TTN: variants seen among roughly 807,000 people sequenced by gnomAD.
TTN encodes the protein titin, also known as connectin.
In TTN, 1,525 loss-of-function variants were observed where a neutral mutation model predicts 3,223.0. The observed-to-expected ratio is 0.47, with a 90% CI of 0.45 to 0.49. TTN has a LOEUF of 0.49. TTN is among the 20% of genes least tolerant of loss of function. The pLI is 0.00. For missense variants in TTN, 40,786 were observed against 43,424.0 expected (o/e 0.94, Z 5.40); for synonymous variants, 14,094 against 15,161.0 (o/e 0.93, Z 5.17).
At chr2:178,801,129 C>A (rs2094040216) in intron 3 of TTN, among the ~76,000 whole-genome samples, 1 of 152,318 alleles carries the variant, frequency 6.6e-6, no homozygotes, top group African/African-American at 2.4e-5. Flanking sequence ...AGAATCATTA[C>A]ATTTTTAATT....
At chr2:178,678,579 G>C in intron 143 of TTN, 82 bp from the exon 144 acceptor site, 3 of 1,242,012 alleles carry the variant, frequency 2.4e-6, no homozygotes, top group Non-Finnish European at 3.3e-6. Context: ...ATTAAGATAA[G>C]GTAATAAAAG....
intron 49 of TTN, chr2:178,737,877 T>A (rs2081800233): frequency 1.9e-6 from 1 of 516,408 alleles, no homozygotes; most frequent in Non-Finnish European, 3.2e-6. Context: ...TAAATTATTT[T>A]TTCTTTGGTC....
At position 178,639,673 on chromosome 2, in the gene TTN, C is replaced by T. The variant is rs1233206760; in HGVS notation, c.40876+26G>A. The T allele has an allele frequency of 1.9e-6, 3 of 1,607,994 alleles. No homozygotes were observed. The South Asian group carries it at 3.3e-5, about 18-fold the overall frequency. ...TTATTAAGTCACCAAAACAAACTAG[C>T]AAAAAGAAAGCTACAGGATAAATAC... On this transcript the variant is annotated intron_variant, in intron 223 of 362. Coordinates refer to ENST00000589042, the MANE Select transcript of TTN (RefSeq NM_001267550.2).
At chr2:178,540,434 C>T (rs1693850028) in intron 350 of TTN, 64 bp from the exon 351 acceptor site, 1 of 1,337,236 alleles carries the variant, frequency 7.5e-7, no homozygotes, top group Non-Finnish European at 1.0e-6. Context: ...AGCTGTGCCA[C>T]CTAACAAATT....
rs756430663 is a variant in TTN, at chr2:178,722,422, A to T, written c.22365T>A (p.Asp7455Glu). 2 of 1,613,464 alleles carry T rather than the reference A, an allele frequency of 1.2e-6. No individual in the cohort carries two copies. The highest frequency in any genetic ancestry group is 1.7e-4 in the Middle Eastern group (1 of 6,058). Residue 7455 changes from aspartate (D) to glutamate (E), a missense_variant, in exon 77 of 363, where the codon GAT (aspartate) becomes GAA (glutamate). Asp to Glu is a conservative substitution (Grantham distance 45). Transcript: ENST00000589042. Reference sequence around the variant, plus strand: ...TTTCATCGTCTCTTAAAAGTACTCCATCTCTATACCAGCACACTTGGATGG... The same window carrying T: ...TTTCATCGTCTCTTAAAAGTACTCCTTCTCTATACCAGCACACTTGGATGG... ...SAPIQVCWYR[D>E]GVLLRDDENL...
Position 178,615,525 on chromosome 2 carries a change from C to T in TTN, c.48461-41G>A, listed in dbSNP as rs760357029. ...GAGAGAGTCAGTCTTACACAGGCCA[C>T]CTATGCAGTTCTCTTCACATTGCCA... On this transcript the variant is annotated intron_variant, in intron 258 of 362. Coordinates refer to ENST00000589042, the MANE Select transcript of TTN (RefSeq NM_001267550.2). 3.7e-6 allele frequency: 6 copies of T among 1,609,056 alleles called. No homozygotes were observed. In the African/African-American group the frequency reaches 8.1e-5, roughly 22 times the overall value.
At position 178,718,613 on chromosome 2, in the gene TTN, A is replaced by T; in HGVS notation, c.24506-13T>A. 6.2e-7 allele frequency: 1 copy of T among 1,606,564 alleles called. No homozygotes were observed. The highest frequency in any genetic ancestry group is 8.5e-7 in the Non-Finnish European group (1 of 1,175,848). On this transcript the variant is annotated splice_polypyrimidine_tract_variant and intron_variant, in intron 84 of 362. Coordinates refer to ENST00000589042, the MANE Select transcript of TTN (RefSeq NM_001267550.2). ...AAGGTGGCTGGTTCTATAAGGAGAAAACATGTGGGTAAAATTCTTGCCTTC... is the reference window on the plus strand; with the variant it reads ...AAGGTGGCTGGTTCTATAAGGAGAATACATGTGGGTAAAATTCTTGCCTTC...
Position 178,608,718 on chromosome 2 carries a change from T to G in TTN, c.52293A>C (p.Ser17431=). The G allele has an allele frequency of 1.2e-6, 2 of 1,612,558 alleles. No homozygotes were observed. Among genetic ancestry groups the G allele is most frequent in the Non-Finnish European group, 1.7e-6 (2 of 1,179,186 alleles). The part of the protein sequence containing the change: ...VTSTLRHCKY[S]VTKLIEGKEY... ...CTTTTCCTTCAATCAGTTTTGTTAC[T>G]GAATATTTGCAATGTCTAAGTGTTG... The change falls in exon 274 of 363, where the codon TCA becomes TCC. Residue 17431 remains serine (S), a synonymous_variant. Transcript: ENST00000589042.
At position 178,566,803 on chromosome 2, in the gene TTN, A is replaced by G. The variant is rs372127556; in HGVS notation, c.79329T>C (p.Asp26443=). 2 of 1,613,392 alleles carry G rather than the reference A, an allele frequency of 1.2e-6. No homozygotes were observed. Among genetic ancestry groups the G allele is most frequent in the Non-Finnish European group, 1.7e-6 (2 of 1,179,690 alleles). ...WIKCNKRRIT[D]LRLRVTGLTE... is the part of the protein sequence containing the mutation. ...TTAATCCTGTCACTCTTAGACGCAA[A>G]TCTGTAATGCGGCGTTTATTACATT... is the stretch of plus-strand genomic sequence containing the variant. The change falls in exon 326 of 363, where the codon GAT becomes GAC. Residue 26443 remains aspartate (D), a synonymous_variant. Coordinates refer to ENST00000589042, the MANE Select transcript of TTN (RefSeq NM_001267550.2).
rs1226276951 is a variant in TTN at position 178,740,084 on chromosome 2, C to A, written c.13149G>T (p.Leu4383Phe). The A allele has an allele frequency of 6.2e-7, 1 of 1,613,678 alleles. No homozygotes were observed. The highest frequency in any genetic ancestry group is 2.2e-5 in the East Asian group (1 of 44,854). The change falls in exon 48 of 363, where the codon TTG (leucine) becomes TTT (phenylalanine). Residue 4383 changes from leucine (L) to phenylalanine (F), a missense_variant. Physicochemically the swap from Leu to Phe is conservative, Grantham distance 22. Transcript: ENST00000589042. ...TCTGCTCTTCTGGAATACCAGAAAG[C>A]AAGCTTTCCTTAGAAAGAAGGTCCC... The part of the protein sequence containing the change: ...QGRDLLSKES[L>F]LSGIPEEQRL...
rs72648998 is a variant in TTN, at chr2:178,710,784, C to T, written c.28313G>A (p.Arg9438Gln). The T allele has an allele frequency of 0.054, 87,491 of 1,613,878 alleles. 2,698 individuals carry two copies. The highest frequency in any genetic ancestry group is 0.084 in the Admixed American group (5,012 of 60,004). The change falls in exon 98 of 363, where the codon CGA (arginine) becomes CAA (glutamine). Residue 9438 changes from arginine to glutamine, a missense_variant. Coordinates refer to ENST00000589042, the MANE Select transcript of TTN (RefSeq NM_001267550.2). Reference protein sequence around the residue: ...VSWAKDSREIRSGGKYQISYL... With the variant: ...VSWAKDSREIQSGGKYQISYL... The stretch of plus-strand genomic sequence containing the variant: ...ACTAATCTGGTACTTTCCGCCACTT[C>T]GTATTTCTCTGCTGTCTTTGGCCCA...
intron 336 of TTN, 82 bp downstream of exon 336, chr2:178,550,885 A>G: frequency 7.4e-7 from 1 of 1,356,114 alleles, no homozygotes; most frequent in Non-Finnish European, 1.0e-6. Context: ...TTCTGTTACC[A>G]TTTTACAGGC....
chr2:178,747,278 G>A, intron 47 of TTN: 12 of 1,613,246 alleles, frequency 7.4e-6, no homozygotes, highest in Non-Finnish European at 1.0e-5. Flanking sequence ...TTCGGAAGGT[G>A]TTGAATATCT....
chr2:178,631,993 T>C (rs976978670), intron 236 of TTN, among the ~76,000 whole-genome samples, 154 bp downstream of exon 236: 1 of 152,098 alleles, frequency 6.6e-6, no homozygotes, highest in African/African-American at 2.4e-5. Flanking sequence ...GTAAAGTGTT[T>C]TAGAAATAAG....
chr2:178,773,886 T>C lies in TTN; in HGVS notation c.7282A>G (p.Thr2428Ala). 1 of 1,614,044 alleles carries C rather than the reference T, an allele frequency of 6.2e-7. No individual in the cohort carries two copies. The highest frequency in any genetic ancestry group is 8.5e-7 in the Non-Finnish European group (1 of 1,179,962). The change falls in exon 31 of 363, where the codon ACC becomes GCC. Residue 2428 changes from threonine to alanine, a missense_variant. Transcript: ENST00000589042. ...GTGGAGAGGCCAAGGGCTGGAATGGTGAAAGAGTAATTTCCAGCATCTTCC... is the reference window on the plus strand; with the variant it reads ...GTGGAGAGGCCAAGGGCTGGAATGGCGAAAGAGTAATTTCCAGCATCTTCC... ...TKEDAGNYSF[T>A]IPALGLSTSG...
Position 178,677,876 on chromosome 2 carries a change from GT to G in TTN, c.34035del (p.Pro11346LeufsTer122). ...KREPVPVPVA[L>X]PQEEEVLFEE... The stretch of plus-strand genomic sequence containing the variant: ...TCAAATAGAACTTCCTCTTCCTGAG[GT>G]AGAGCTACAGGAACTGGAACTGGTT... On this transcript the variant is annotated frameshift_variant, in exon 146 of 363. Transcript: ENST00000589042. LOFTEE classifies it high-confidence loss of function. The G allele has an allele frequency of 6.2e-7, 1 of 1,611,282 alleles. No homozygotes were observed. Among genetic ancestry groups the G allele is most frequent in the Non-Finnish European group, 8.5e-7 (1 of 1,178,804 alleles).
At chr2:178,805,298 G>A (rs1442241055) in intron 1 of TTN, among the ~76,000 whole-genome samples, 22 of 146,906 alleles carry the variant, frequency 1.5e-4, no homozygotes, top group African/African-American at 5.4e-4. Context: ...GAGCAAAGAT[G>A]GTGCCACCAC....
At chr2:178,772,843 A>T (rs1193966198) in intron 33 of TTN, 3 of 492,312 alleles carry the variant, frequency 6.1e-6, no homozygotes, top group African/African-American at 5.8e-5. Flanking sequence ...ATATAAAGTG[A>T]TCCTGGGGTT....
chr2:178,776,736 T>A lies in TTN; in HGVS notation c.5128A>T (p.Thr1710Ser). 1.2e-6 allele frequency: 2 copies of A among 1,614,094 alleles called. No homozygotes were observed. Among genetic ancestry groups the A allele is most frequent in the Non-Finnish European group, 1.7e-6 (2 of 1,180,006 alleles). ...CCAAAGCGCTTAAGTCTTAAGGAAG[T>A]GAGTTTTTTCTTGAAAAATGGTTTC... ...QQKPFFKKKL[T>S]SLRLKRFGPA... The change falls in exon 28 of 363, where the codon ACT becomes TCT. Residue 1710 changes from threonine to serine, a missense_variant. Transcript: ENST00000589042.
Sources: allele counts gnomAD v4.1 joint callset (sites outside exome capture counted in the v4.1 genomes callset), GRCh38; gene constraint gnomAD v4.1.1; transcripts MANE v1.5; gene names NCBI Gene and HGNC (gene_info 2026-07-23, HGNC 2026-07-21).